Variants in CHD6 observed in about 807,000 individuals in gnomAD.
CHD6 encodes chromodomain helicase DNA binding protein 6, also known as ATP-dependent chromatin remodeler CHD6.
CHD6 carries 50 observed loss-of-function variants against 276.9 expected under a neutral mutation model. The observed-to-expected ratio is 0.18, with a 90% confidence interval of 0.14 to 0.23. The LOEUF is 0.23. CHD6 is among the 10% of genes least tolerant of loss of function. The probability of loss-of-function intolerance (pLI) is 1.00; values close to 1 mark genes in which losing one functional copy is unlikely to be tolerated. For synonymous variants in CHD6, 1,173 were observed against 1,229.3 expected, an observed-to-expected ratio of 0.95 and a Z score of 0.96; for missense variants, 2,564 against 3,365.8, an observed-to-expected ratio of 0.76 and a Z score of 5.89.
At chr20:41,450,241 A>G (rs1019712896) in intron 23 of CHD6, among the ~76,000 whole-genome samples, 1 of 152,216 alleles carries the variant, frequency 6.6e-6, no homozygotes, top group Non-Finnish European at 1.5e-5. Flanking sequence ...ACTCTTGATT[A>G]CCAGAGGTGT....
intron 4 of CHD6, 145 bp downstream of exon 4, chr20:41,514,660 C>T: frequency 1.2e-6 from 1 of 825,900 alleles, no homozygotes; most frequent in Non-Finnish European, 1.9e-6. Flanking sequence ...CTACAGTCTA[C>T]CTGCTCACCC....
chr20:41,452,116 A>G lies in CHD6; in HGVS notation c.3324-91T>C, dbSNP rs1329981874. 3 of 999,264 alleles carry G rather than the reference A, an allele frequency of 3.0e-6. No homozygotes were observed. 61.9% of individuals were successfully genotyped at this position (999,264 alleles called of 1,614,324 possible). A position where few individuals can be genotyped will look rare whatever the true frequency, so the allele number is the denominator to read the frequency against. ...ACAGGAGGAGAAACAAGAGCCATAC[A>G]TGCTTTTTGTTCTCTGTAGGTCTGT... On this transcript the variant is annotated intron_variant, in intron 21 of 36. Transcript: ENST00000373233. This position sits in a 1 kb window ranked among gnomAD's most constrained non-coding sequence, Gnocchi z 4.2.
intron 1 of CHD6, among the ~76,000 whole-genome samples, chr20:41,591,120 C>T (rs1385680276): frequency 1.1e-4 from 16 of 148,226 alleles, no homozygotes; most frequent in Non-Finnish European, 1.2e-4. Context: ...GACAAAAAAC[C>T]AAATGCTGCA....
rs540413421 is a variant in CHD6 at position 41,418,688 on chromosome 20, G to C, written c.6128-1339C>G. 6.6e-5 allele frequency among the ~76,000 whole-genome samples: 10 copies of C among 152,162 alleles called. 1 individual carries two copies. Among genetic ancestry groups the C allele is most frequent in the African/African-American group, 2.4e-4 (10 of 41,500 alleles). On this transcript the variant is annotated intron_variant, in intron 31 of 36. Coordinates refer to ENST00000373233, the MANE Select transcript of CHD6 (RefSeq NM_032221.5). ...CTGACAGGTGTACCAATTAATTACT[G>C]CTCCTTCAGGACTGTAGATTTCTAG...
Position 41,403,911 on chromosome 20 carries a change from A to T in CHD6, c.*682T>A, listed in dbSNP as rs2046597247. On this transcript the variant is annotated 3_prime_UTR_variant, in exon 37 of 37. Coordinates refer to ENST00000373233, the MANE Select transcript of CHD6 (RefSeq NM_032221.5). ...AGGAATCTTTTCACTGGTGAGAGGG[A>T]TGTATAGAAAATAATGCCTAGTCAG... 9.5e-7 allele frequency: 1 copy of T among 1,055,092 alleles called. No individual in the cohort carries two copies. The highest frequency in any genetic ancestry group is 5.3e-5 in the East Asian group (1 of 18,846). The allele number at this position is 1,055,092 out of a possible 1,614,324, so 65.4% of individuals were successfully genotyped here. A position where few individuals can be genotyped will look rare whatever the true frequency, so the allele number is the denominator to read the frequency against.
rs779638279 is a variant in CHD6 at position 41,404,633 on chromosome 20, C to T, written c.8108G>A (p.Gly2703Glu). Residue 2703 changes from glycine (G) to glutamate (E), a missense_variant, in exon 37 of 37, where the codon GGG becomes GAG. Transcript: ENST00000373233. ...PAEREHGAQA[G>E]EGALKDSNND... ...GTTGGAGTCTTTGAGTGCCCCCTCC[C>T]CAGCCTGTGCCCCATGTTCTCTCTC... 10 of 1,510,624 alleles carry T rather than the reference C, an allele frequency of 6.6e-6. No individual in the cohort carries two copies. In the South Asian group the frequency reaches 1.2e-4, roughly 19 times the overall value. 93.6% of individuals were successfully genotyped at this position (1,510,624 alleles called of 1,614,324 possible). A position where few individuals can be genotyped will look rare whatever the true frequency, so the allele number is the denominator to read the frequency against.
chr20:41,577,601 T>C (rs889079246), intron 1 of CHD6, among the ~76,000 whole-genome samples: 2 of 152,278 alleles, frequency 1.3e-5, no homozygotes, highest in African/African-American at 4.8e-5. Context: ...AGTGTGTGTG[T>C]GTCTACACAC....
chr20:41,575,247 G>GCTTTTGTTGTTTCATTC (rs1367900742), intron 1 of CHD6, among the ~76,000 whole-genome samples: 1 of 152,028 alleles, frequency 6.6e-6, no homozygotes, highest in Non-Finnish European at 1.5e-5. Context: ...ATAAATCTCT[G>GCTTTTGTTGTTTCATTC]CTTTTGTTGT....
chr20:41,492,901 C>T (rs763621231), intron 10 of CHD6, among the ~76,000 whole-genome samples: 1 of 152,250 alleles, frequency 6.6e-6, no homozygotes, highest in East Asian at 1.9e-4. Flanking sequence ...AGCAACAGAC[C>T]AAGACTCCAT....
chr20:41,531,384 C>G (rs1002303263), intron 3 of CHD6, among the ~76,000 whole-genome samples: 1 of 152,102 alleles, frequency 6.6e-6, no homozygotes, highest in African/African-American at 2.4e-5. Flanking sequence ...ATGTCTGATC[C>G]TCCTTCTTTA....
chr20:41,539,513 G>T (rs1037444572), intron 2 of CHD6, among the ~76,000 whole-genome samples: 1 of 152,166 alleles, frequency 6.6e-6, no homozygotes, highest in Non-Finnish European at 1.5e-5. Context: ...TCAGGATAGA[G>T]AAGTATCCAG....
At chr20:41,571,996 T>C (rs976252357) in intron 1 of CHD6, among the ~76,000 whole-genome samples, 1 of 152,258 alleles carries the variant, frequency 6.6e-6, no homozygotes, top group Non-Finnish European at 1.5e-5. Context: ...TTACCTGTCC[T>C]GTGCCTTATA....
Position 41,403,300 on chromosome 20 carries a change from CAG to C in CHD6, c.*1291_*1292del. 1.9e-6 allele frequency: 2 copies of C among 1,063,386 alleles called. No individual in the cohort carries two copies. Among genetic ancestry groups the C allele is most frequent in the Non-Finnish European group, 2.3e-6 (2 of 877,754 alleles). The allele number at this position is 1,063,386 out of a possible 1,614,324, so 65.9% of individuals were successfully genotyped here. A position where few individuals can be genotyped will look rare whatever the true frequency, so the allele number is the denominator to read the frequency against. On this transcript the variant is annotated 3_prime_UTR_variant, in exon 37 of 37. Coordinates refer to ENST00000373233, the MANE Select transcript of CHD6 (RefSeq NM_032221.5). ...TGAACCATGAGCTTACTTCAAGTCT[CAG>C]AGTGTGAACTACCTGTGAAGAGTGA...
At chr20:41,580,609 G>A (rs1027833602) in intron 1 of CHD6, among the ~76,000 whole-genome samples, 7 of 132,886 alleles carry the variant, frequency 5.3e-5, no homozygotes, top group African/African-American at 1.2e-4. Flanking sequence ...GCAATGAGAC[G>A]TGATTATGCC....
chr20:41,505,172 T>C (rs1164736832), intron 5 of CHD6, among the ~76,000 whole-genome samples: 2 of 152,210 alleles, frequency 1.3e-5, no homozygotes, highest in African/African-American at 2.4e-5. Flanking sequence ...TTCTACCCCA[T>C]GCAGGTTAAA....
chr20:41,404,136 TC>T lies in CHD6; in HGVS notation c.*456del, dbSNP rs1201622643. ...TAACTCAAAAATATGCACCAGCACT[TC>T]CTTTTTCTGTGCTTTTTGGTTCCCT... On this transcript the variant is annotated 3_prime_UTR_variant, in exon 37 of 37. Transcript: ENST00000373233. 7 of 1,057,952 alleles carry T rather than the reference TC, an allele frequency of 6.6e-6. No homozygotes were observed. The highest frequency in any genetic ancestry group is 8.0e-6 in the Non-Finnish European group (7 of 875,176). 65.5% of individuals were successfully genotyped at this position (1,057,952 alleles called of 1,614,324 possible).
chr20:41,459,886 GT>G lies in CHD6; in HGVS notation c.2665-2459del, dbSNP rs1361608876. On this transcript the variant is annotated intron_variant, in intron 17 of 36. Coordinates refer to ENST00000373233, the MANE Select transcript of CHD6 (RefSeq NM_032221.5). ...CTTTGGAACTGGGTAATAGGCAGAG[GT>G]TGGAACAGTTTGGAAGGTTCAGAAG... Among the ~76,000 whole-genome samples the G allele has an allele frequency of 6.6e-5, 10 of 152,396 alleles. No individual in the cohort carries two copies. The South Asian group carries it at 1.7e-3, about 25-fold the overall frequency.
intron 1 of CHD6, among the ~76,000 whole-genome samples, chr20:41,590,890 G>A (rs370486860): frequency 6.6e-6 from 1 of 151,390 alleles, no homozygotes; most frequent in South Asian, 2.1e-4. Context: ...AAATCATGCT[G>A]CTATAAAGAC....
intron 1 of CHD6, among the ~76,000 whole-genome samples, chr20:41,600,080 T>C (rs901068182): frequency 6.6e-6 from 1 of 152,248 alleles, no homozygotes; most frequent in Non-Finnish European, 1.5e-5. Flanking sequence ...TGGTTTTTCT[T>C]TGTGGCACCG....
Sources: allele counts gnomAD v4.1 joint callset (sites outside exome capture counted in the v4.1 genomes callset), GRCh38; gene constraint gnomAD v4.1.1; non-coding constraint Gnocchi (gnomAD v3.1); transcripts MANE v1.5; gene names NCBI Gene and HGNC (gene_info 2026-07-23, HGNC 2026-07-21).